The following MYOM1 variants were observed in gnomAD, a reference collection of about 807,000 sequenced individuals.
MYOM1 encodes myomesin-1.
A neutral mutation model predicts 205.3 loss-of-function variants in MYOM1; 164 were observed. That is an observed-to-expected ratio of 0.80 (90% confidence interval 0.70 to 0.91). The LOEUF (loss-of-function observed/expected upper bound fraction) is 0.91, where lower values mean the gene tolerates loss of function less well. Among genes scored for constraint, MYOM1 ranks in the 40% least tolerant of loss-of-function variants. The pLI, the probability that MYOM1 is intolerant of heterozygous loss-of-function variation, is 0.00. For synonymous variants in MYOM1, 772 were observed against 789.4 expected (o/e 0.98, Z 0.37); for missense variants, 2,011 against 2,127.3 (o/e 0.95, Z 1.08).
At chr18:3,072,350 C>CTTTTTTTTTTTTGTTT (rs2078968825) in intron 36 of MYOM1, among the ~76,000 whole-genome samples, 1 of 56,226 alleles carries the variant, frequency 1.8e-5, no homozygotes, top group African/African-American at 9.3e-5. Context: ...CCGCACCCGG[C>CTTTTTTTTTTTTGTTT]TTTTTTTTTT....
intron 25 of MYOM1, 100 bp downstream of exon 25, chr18:3,100,059 G>A: frequency 8.3e-7 from 1 of 1,203,958 alleles, no homozygotes; most frequent in Non-Finnish European, 1.2e-6. Context: ...GTTCTCAAGA[G>A]TCTCTCTCTT....
At chr18:3,130,283 T>G (rs2079856041) in intron 17 of MYOM1, among the ~76,000 whole-genome samples, 1 of 152,084 alleles carries the variant, frequency 6.6e-6, no homozygotes, top group African/African-American at 2.4e-5. Context: ...CCTCAAGTGA[T>G]CCACCCGCCT....
intron 16 of MYOM1, 100 bp from the exon 17 acceptor site, chr18:3,131,596 T>A: frequency 2.0e-6 from 1 of 499,488 alleles, no homozygotes; most frequent in Non-Finnish European, 3.0e-6. Flanking sequence ...AAAACAATTC[T>A]TTTTTTTTTA....
At chr18:3,111,985 G>A (rs2079533680) in intron 22 of MYOM1, among the ~76,000 whole-genome samples, 1 of 152,184 alleles carries the variant, frequency 6.6e-6, no homozygotes, top group Non-Finnish European at 1.5e-5. Flanking sequence ...TGGCCAGGGT[G>A]TAATAGGAAT....
In MYOM1 at chr18:3,128,951, G is replaced by A. The variant is rs75402711; in HGVS notation, c.2794+281C>T. Among the ~76,000 whole-genome samples the A allele has an allele frequency of 4.1e-3, 625 of 152,238 alleles. 3 individuals carry two copies. Among genetic ancestry groups the A allele is most frequent in the Non-Finnish European group, 6.7e-3 (457 of 68,024 alleles). ...TTCTCTTAGCAAAATCAGGCCAGAGGTGTATCTGCCTGACAAACCAAGAAA... is the reference window on the plus strand; with the variant it reads ...TTCTCTTAGCAAAATCAGGCCAGAGATGTATCTGCCTGACAAACCAAGAAA... On this transcript the variant is annotated intron_variant, in intron 18 of 37. Transcript: ENST00000356443.
intron 25 of MYOM1, among the ~76,000 whole-genome samples, chr18:3,096,234 T>C (rs1030088981): frequency 6.6e-5 from 10 of 152,204 alleles, no homozygotes; most frequent in Admixed American, 6.5e-4. Context: ...GCAAATGATC[T>C]AGTTACTTAA....
At chr18:3,119,818 T>C (rs550820783) in intron 20 of MYOM1, 51 bp downstream of exon 20, 1 of 1,561,426 alleles carries the variant, frequency 6.4e-7, no homozygotes, top group African/African-American at 1.4e-5. Flanking sequence ...TTGTAGGTTC[T>C]CTTGGAGGAA....
the MYOM1 span, among the ~76,000 whole-genome samples, chr18:3,227,126 A>T: frequency 6.6e-6 from 1 of 152,144 alleles, no homozygotes; most frequent in Non-Finnish European, 1.5e-5. Flanking sequence ...ATTCATAAAT[A>T]GATATCTGGT....
intron 5 of MYOM1, among the ~76,000 whole-genome samples, chr18:3,178,899 G>A (rs192243598): frequency 2.6e-5 from 4 of 151,148 alleles, no homozygotes; most frequent in South Asian, 2.1e-4. Context: ...ACAGTGTCTC[G>A]CTCTGTCTCC....
At chr18:3,085,224 T>A (rs1468181662) in intron 30 of MYOM1, 92 bp from the exon 31 acceptor site, 1 of 369,106 alleles carries the variant, frequency 2.7e-6, no homozygotes, top group Non-Finnish European at 4.7e-6. Context: ...CTTCTGCTGC[T>A]GCTGCTTTTT....
chr18:3,155,291 A>G lies in MYOM1; in HGVS notation c.1502-203T>C, dbSNP rs375958215. Reference sequence around the variant, plus strand: ...GGCTGGAGGGCAGAGGTGGGATCTCAGCTCACTGCAAGCTCCACCTCCCGG... The same window carrying G: ...GGCTGGAGGGCAGAGGTGGGATCTCGGCTCACTGCAAGCTCCACCTCCCGG... On this transcript the variant is annotated intron_variant, in intron 10 of 37. Transcript: ENST00000356443. 5.2e-4 allele frequency among the ~76,000 whole-genome samples: 79 copies of G among 152,184 alleles called. No homozygotes were observed. The South Asian group carries it at 8.9e-3, about 17-fold the overall frequency.
intron 14 of MYOM1, among the ~76,000 whole-genome samples, chr18:3,136,540 C>T (rs2079968152): frequency 6.6e-6 from 1 of 152,108 alleles, no homozygotes; most frequent in African/African-American, 2.4e-5. Flanking sequence ...GATCCTCCCA[C>T]CTCAGCCTCC....
At chr18:3,132,980 G>A (rs2143897448) in intron 16 of MYOM1, among the ~76,000 whole-genome samples, 1 of 151,918 alleles carries the variant, frequency 6.6e-6, no homozygotes, top group Admixed American at 6.6e-5. Context: ...CATAATCTAG[G>A]CCAGCCCTTC....
At chr18:3,197,728 C>T (rs1392108134) in intron 2 of MYOM1, among the ~76,000 whole-genome samples, 1 of 151,754 alleles carries the variant, frequency 6.6e-6, no homozygotes, top group African/African-American at 2.4e-5. Flanking sequence ...AAAAAATTAG[C>T]TGGGCATGGT....
chr18:3,100,117 G>C (rs372303832), intron 25 of MYOM1, 42 bp downstream of exon 25: 6 of 1,608,072 alleles, frequency 3.7e-6, no homozygotes, highest in African/African-American at 1.3e-5. Context: ...TTGCTGCCTA[G>C]TAAGACTGCT....
chr18:3,096,190 C>T (rs2079301260), intron 25 of MYOM1, among the ~76,000 whole-genome samples: 1 of 152,166 alleles, frequency 6.6e-6, no homozygotes. Context: ...GAGCAGGCTC[C>T]AGAGGCAGAC....
chr18:3,115,772 A>G (rs1016688163), intron 21 of MYOM1, among the ~76,000 whole-genome samples: 15 of 152,176 alleles, frequency 9.9e-5, no homozygotes, highest in Non-Finnish European at 2.2e-4. Context: ...AAATGGTTCA[A>G]TGAGCACACT....
upstream of MYOM1, among the ~76,000 whole-genome samples, chr18:3,224,685 A>C (rs2081345275): frequency 6.6e-6 from 1 of 151,244 alleles, no homozygotes; most frequent in Non-Finnish European, 1.5e-5. Flanking sequence ...TTATTTTTGA[A>C]ATGGAGTCTC....
Position 3,098,608 on chromosome 18 carries a change from T to C in MYOM1, c.3727+1551A>G, listed in dbSNP as rs1009500909. Among the ~76,000 whole-genome samples the C allele has an allele frequency of 3.3e-5, 5 of 152,206 alleles. No homozygotes were observed. In the South Asian group the frequency reaches 8.3e-4, roughly 25 times the overall value. On this transcript the variant is annotated intron_variant, in intron 25 of 37. Transcript: ENST00000356443. Reference sequence around the variant, plus strand: ...CAGCATTTCTATATGGGAGGTGCTATAAACCACTGTGATAGCCATTCCTGG... The same window carrying C: ...CAGCATTTCTATATGGGAGGTGCTACAAACCACTGTGATAGCCATTCCTGG...
Sources: allele counts gnomAD v4.1 joint callset (sites outside exome capture counted in the v4.1 genomes callset), GRCh38; gene constraint gnomAD v4.1.1; transcripts MANE v1.5; gene names NCBI Gene and HGNC (gene_info 2026-07-23, HGNC 2026-07-21).